AK5: variants seen among roughly 807,000 people sequenced by gnomAD.
AK5 encodes the protein adenylate kinase 5.
In AK5, 27 loss-of-function variants were observed where a neutral mutation model predicts 69.5. That is an observed-to-expected ratio of 0.39 (90% CI 0.29 to 0.54). AK5 has a LOEUF of 0.54. AK5 is among the 20% of genes least tolerant of loss of function. The pLI is 0.71. For missense variants in AK5, 531 were observed against 700.4 expected, an observed-to-expected ratio of 0.76 and a Z score of 2.73; for synonymous variants, 260 against 244.4, an observed-to-expected ratio of 1.06 and a Z score of -0.60.
intron 8 of AK5, among the ~76,000 whole-genome samples, chr1:77,468,404 G>T (rs1014861338): frequency 6.6e-6 from 1 of 152,190 alleles, no homozygotes; most frequent in African/African-American, 2.4e-5. Context: ...CAGCTCCTTA[G>T]CCAGGAATAT....
At chr1:77,445,053 G>A (rs1324137894) in intron 8 of AK5, among the ~76,000 whole-genome samples, 1 of 152,074 alleles carries the variant, frequency 6.6e-6, no homozygotes, top group African/African-American at 2.4e-5. Context: ...TATCTAGATT[G>A]TTTCCATATC....
chr1:77,349,813 G>A (rs973862404), intron 6 of AK5, among the ~76,000 whole-genome samples: 6 of 152,052 alleles, frequency 3.9e-5, no homozygotes, highest in African/African-American at 1.4e-4. Flanking sequence ...TCTCCTTCTT[G>A]CTCAGTCCTA....
At chr1:77,348,748 C>T (rs1251936396) in intron 6 of AK5, among the ~76,000 whole-genome samples, 1 of 152,040 alleles carries the variant, frequency 6.6e-6, no homozygotes, top group African/African-American at 2.4e-5. Flanking sequence ...CACCCACACA[C>T]CCACACACCC....
At chr1:77,356,252 A>G (rs1198214705) in intron 6 of AK5, among the ~76,000 whole-genome samples, 1 of 152,244 alleles carries the variant, frequency 6.6e-6, no homozygotes, top group Non-Finnish European at 1.5e-5. Context: ...TTTTGACTGA[A>G]TTCTTTACTA....
chr1:77,355,972 C>T (rs1420923447), intron 6 of AK5, among the ~76,000 whole-genome samples: 1 of 151,038 alleles, frequency 6.6e-6, no homozygotes, highest in Non-Finnish European at 1.5e-5. Flanking sequence ...AAAAACAAAG[C>T]CTGAAAAAAT....
chr1:77,526,669 G>A (rs182611091), intron 12 of AK5, among the ~76,000 whole-genome samples: 1 of 151,218 alleles, frequency 6.6e-6, no homozygotes, highest in Admixed American at 6.6e-5. Flanking sequence ...TAGAGATGGG[G>A]TTTCACCGTG....
intron 8 of AK5, among the ~76,000 whole-genome samples, chr1:77,468,993 G>A (rs570596826): frequency 2.6e-5 from 4 of 152,322 alleles, no homozygotes; most frequent in African/African-American, 9.6e-5. Flanking sequence ...AATAGAAAGG[G>A]TAAAAGTCCT....
At chr1:77,409,042 G>T (rs12069838) in intron 6 of AK5, among the ~76,000 whole-genome samples, 1 of 152,012 alleles carries the variant, frequency 6.6e-6, no homozygotes, top group African/African-American at 2.4e-5. Context: ...CATTAGTTTT[G>T]TAAGGACAAT....
intron 13 of AK5, among the ~76,000 whole-genome samples, chr1:77,548,780 T>G (rs1431617498): frequency 6.6e-6 from 1 of 152,198 alleles, no homozygotes; most frequent in Admixed American, 6.5e-5. Context: ...CTTTCCTCAT[T>G]TAGTCATATG....
intron 6 of AK5, among the ~76,000 whole-genome samples, chr1:77,359,164 A>G (rs1254609255): frequency 6.6e-6 from 1 of 151,930 alleles, no homozygotes; most frequent in Non-Finnish European, 1.5e-5. Context: ...CTGAGGCAGA[A>G]GAATGGCGTG....
At chr1:77,478,155 G>T (rs1655059831) in intron 8 of AK5, among the ~76,000 whole-genome samples, 1 of 152,154 alleles carries the variant, frequency 6.6e-6, no homozygotes, top group Non-Finnish European at 1.5e-5. Context: ...TCAACTACAA[G>T]TTCCTCATCC....
At chr1:77,532,015 G>C (rs964354598) in intron 12 of AK5, 2 of 131,926 alleles carry the variant, frequency 1.5e-5, no homozygotes, top group African/African-American at 2.6e-5. Flanking sequence ...GCCGCTCCGA[G>C]TGCGGGGCTC....
chr1:77,367,779 AATATATGTT>A (rs1291217158), intron 6 of AK5, among the ~76,000 whole-genome samples: 156 of 10,440 alleles, frequency 0.015, no homozygotes, highest in Non-Finnish European at 0.017. Flanking sequence ...TGTTATATAT[AATATATGTT>A]ATATATGTTA....
At chr1:77,540,946 A>T (rs6603953) in intron 13 of AK5, among the ~76,000 whole-genome samples, 1 of 151,488 alleles carries the variant, frequency 6.6e-6, no homozygotes, top group Non-Finnish European at 1.5e-5. Context: ...TCGCTCTGTC[A>T]CCCAGGCTGG....
intron 1 of AK5, among the ~76,000 whole-genome samples, chr1:77,283,931 G>A (rs1190587729): frequency 1.3e-5 from 2 of 152,168 alleles, no homozygotes; most frequent in African/African-American, 2.4e-5. Context: ...CTTTGTAAAT[G>A]TGGGTACTGT....
At chr1:77,432,802 G>A (rs1308511108) in intron 8 of AK5, among the ~76,000 whole-genome samples, 2 of 152,170 alleles carry the variant, frequency 1.3e-5, no homozygotes, top group African/African-American at 2.4e-5. Flanking sequence ...TTTAAGTTAT[G>A]AGCAGAAGCT....
intron 5 of AK5, 92 bp from the exon 6 acceptor site, chr1:77,340,285 C>G: frequency 1.6e-6 from 2 of 1,267,658 alleles, no homozygotes; most frequent in African/African-American, 1.5e-5. Flanking sequence ...TATATGGCAG[C>G]CTCCACAGAA....
chr1:77,398,962 A>G (rs1299172806), intron 6 of AK5, among the ~76,000 whole-genome samples: 1 of 152,024 alleles, frequency 6.6e-6, no homozygotes, highest in African/African-American at 2.4e-5. Context: ...TAATCACCCT[A>G]TTTTCTGGGC....
intron 6 of AK5, among the ~76,000 whole-genome samples, chr1:77,380,749 A>G (rs1647573123): frequency 6.6e-6 from 1 of 152,182 alleles, no homozygotes; most frequent in African/African-American, 2.4e-5. Context: ...TGTGCCGCAG[A>G]GACAAGGCCA....
Sources: allele counts gnomAD v4.1 joint callset (sites outside exome capture counted in the v4.1 genomes callset), GRCh38; gene constraint gnomAD v4.1.1; transcripts MANE v1.5; gene names NCBI Gene and HGNC (gene_info 2026-07-23, HGNC 2026-07-21).